The following TLK1 variants were observed in gnomAD, a reference collection of about 807,000 sequenced individuals.
TLK1 encodes the protein tousled like kinase 1, also known as serine/threonine-protein kinase tousled-like 1.
TLK1 carries 24 observed loss-of-function variants against 105.3 expected under a neutral mutation model. The ratio of observed to expected loss-of-function variants is 0.23; its 90% CI spans 0.17 to 0.32. The LOEUF (loss-of-function observed/expected upper bound fraction) is 0.32, where lower values mean the gene tolerates loss of function less well. Ranked by LOEUF, TLK1 falls within the 10% of genes least tolerant of loss-of-function variation. TLK1 has a pLI of 1.00. For synonymous variants in TLK1, 321 were observed against 310.4 expected (o/e 1.03, Z -0.36); for missense variants, 558 against 910.5 (o/e 0.61, Z 4.98).
upstream of TLK1, among the ~76,000 whole-genome samples, chr2:171,165,686 G>A (rs1461843202): frequency 6.6e-6 from 1 of 152,204 alleles, no homozygotes; most frequent in Non-Finnish European, 1.5e-5. Context: ...GCCGAGGCGG[G>A]TGGATCACAA....
At chr2:171,128,824 C>T (rs1690977169) in intron 1 of TLK1, among the ~76,000 whole-genome samples, 1 of 152,020 alleles carries the variant, frequency 6.6e-6, no homozygotes, top group African/African-American at 2.4e-5. Flanking sequence ...TACTAGACTG[C>T]ATTTCTGTAT....
Position 171,015,415 on chromosome 2 carries a change from A to AACACAC in TLK1, c.1237-473_1237-468dup, listed in dbSNP as rs56238853. ...TACGCCTTACAGCATTTGGAGTACA[A>AACACAC]ACACACACACACACACACACACACA... On this transcript the variant is annotated intron_variant, in intron 12 of 20. Transcript: ENST00000431350. Among the ~76,000 whole-genome samples the AACACAC allele has an allele frequency of 2.3e-3, 310 of 132,678 alleles. 3 individuals carry two copies. The highest frequency in any genetic ancestry group is 7.6e-3 in the African/African-American group (260 of 34,290). The allele number at this position is 132,678 out of a possible 152,430, so 87.0% of individuals were successfully genotyped here. A position where few individuals can be genotyped will look rare whatever the true frequency, so the allele number is the denominator to read the frequency against.
intron 1 of TLK1, among the ~76,000 whole-genome samples, chr2:171,178,219 G>T (rs1047667759): frequency 6.6e-6 from 1 of 152,006 alleles, no homozygotes; most frequent in Admixed American, 6.6e-5. Context: ...ATTTTTTTAA[G>T]CAGTAAAACT....
At chr2:171,060,921 T>G (rs555108340) in intron 4 of TLK1, among the ~76,000 whole-genome samples, 160 bp downstream of exon 4, 10 of 152,208 alleles carry the variant, frequency 6.6e-5, no homozygotes, top group African/African-American at 2.4e-4. Flanking sequence ...AAGGGCAACA[T>G]TGAAAAGCCT....
chr2:171,006,502 G>A lies in TLK1; in HGVS notation c.1740C>T (p.Pro580=), dbSNP rs755192109. Residue 580 remains proline (P), a synonymous_variant, in exon 17 of 21, where the codon CCC becomes CCT. Transcript: ENST00000431350. ...NALRYLNEIK[P]PIIHYDLKPG... Reference sequence around the variant, plus strand: ...GCTTAAGATCATAATGTATAATAGGGGGTTTGATCTCATTGAGATATCTTA... The same window carrying A: ...GCTTAAGATCATAATGTATAATAGGAGGTTTGATCTCATTGAGATATCTTA... 2.2e-5 allele frequency: 36 copies of A among 1,611,084 alleles called. No homozygotes were observed. The African/African-American group carries it at 4.3e-4, about 19-fold the overall frequency.
At chr2:171,043,055 T>G (rs1575544961) in intron 11 of TLK1, among the ~76,000 whole-genome samples, 1 of 149,136 alleles carries the variant, frequency 6.7e-6, no homozygotes, top group South Asian at 2.1e-4. Flanking sequence ...ACTAAGACAG[T>G]GACCGTGAAA....
intron 1 of TLK1, among the ~76,000 whole-genome samples, chr2:171,136,651 A>C (rs1265781400): frequency 6.6e-6 from 1 of 152,236 alleles, no homozygotes; most frequent in African/African-American, 2.4e-5. Flanking sequence ...TTTTGAAAAA[A>C]AATGGCTAAA....
intron 2 of TLK1, among the ~76,000 whole-genome samples, chr2:171,089,201 T>C (rs1410209650): frequency 6.6e-6 from 1 of 152,246 alleles, no homozygotes; most frequent in Non-Finnish European, 1.5e-5. Context: ...TTTTCCTTCT[T>C]GATTTGTAGG....
intron 1 of TLK1, among the ~76,000 whole-genome samples, chr2:171,144,067 T>C (rs1360998096): frequency 1.3e-5 from 2 of 152,112 alleles, no homozygotes. Flanking sequence ...TTTTAAAAAC[T>C]GGTGTTTTGA....
chr2:171,061,892 CTCTT>C (rs968268673), intron 3 of TLK1, among the ~76,000 whole-genome samples: 49 of 152,324 alleles, frequency 3.2e-4, no homozygotes, highest in Non-Finnish European at 6.5e-4. Flanking sequence ...CACAGCCACA[CTCTT>C]TCATTTAGGT....
At chr2:171,174,138 CTTG>C (rs1465045279) in intron 1 of TLK1, among the ~76,000 whole-genome samples, 1 of 152,148 alleles carries the variant, frequency 6.6e-6, no homozygotes, top group African/African-American at 2.4e-5. Flanking sequence ...TCTTTTTAAT[CTTG>C]TTGTCACCTG....
chr2:171,048,646 T>C (rs966707660), intron 10 of TLK1, among the ~76,000 whole-genome samples: 1 of 152,206 alleles, frequency 6.6e-6, no homozygotes, highest in African/African-American at 2.4e-5. Flanking sequence ...CTCTCTAATA[T>C]CACAAGGACA....
intron 12 of TLK1, among the ~76,000 whole-genome samples, chr2:171,026,298 A>G (rs1404625168): frequency 1.3e-5 from 2 of 152,134 alleles, no homozygotes; most frequent in African/African-American, 2.4e-5. Flanking sequence ...TAATATTTGG[A>G]CACTAAGTAT....
intron 2 of TLK1, among the ~76,000 whole-genome samples, chr2:171,085,707 G>A (rs572409485): frequency 1.3e-5 from 2 of 152,310 alleles, no homozygotes; most frequent in East Asian, 1.9e-4. Flanking sequence ...CTGCTCCCAT[G>A]AGCCCTTCCT....
rs111657391 is a variant in TLK1, at chr2:171,016,927, C to A, written c.1237-1979G>T. On this transcript the variant is annotated intron_variant, in intron 12 of 20. Coordinates refer to ENST00000431350, the MANE Select transcript of TLK1 (RefSeq NM_012290.5). ...AAAATAAATTCAAATGAAGATAAATCTTTCTACAAGTATTGGGAGATTTTC... is the reference window on the plus strand; with the variant it reads ...AAAATAAATTCAAATGAAGATAAATATTTCTACAAGTATTGGGAGATTTTC... Among the ~76,000 whole-genome samples, 550 of 152,134 alleles carry A rather than the reference C, an allele frequency of 3.6e-3. 6 individuals carry two copies. The highest frequency in any genetic ancestry group is 0.012 in the African/African-American group (507 of 41,534).
intron 3 of TLK1, among the ~76,000 whole-genome samples, chr2:171,074,217 ATAATAC>A (rs1361868310): frequency 6.6e-6 from 1 of 152,194 alleles, no homozygotes; most frequent in Non-Finnish European, 1.5e-5. Context: ...ATGTTACAAA[ATAATAC>A]TATTTTCCAT....
chr2:171,168,267 C>T (rs922213329), intron 1 of TLK1, among the ~76,000 whole-genome samples: 1 of 151,712 alleles, frequency 6.6e-6, no homozygotes, highest in African/African-American at 2.4e-5. Context: ...TTTCTTAATT[C>T]GATACATGGC....
intron 1 of TLK1, among the ~76,000 whole-genome samples, chr2:171,124,276 T>G (rs181469284): frequency 2.4e-4 from 37 of 152,362 alleles, no homozygotes; most frequent in African/African-American, 8.9e-4. Context: ...GAAATGACTT[T>G]ACCACATTCT....
chr2:171,022,855 T>C (rs927475690), intron 12 of TLK1: 3 of 255,706 alleles, frequency 1.2e-5, no homozygotes, highest in African/African-American at 6.8e-5. Flanking sequence ...TTCAAGAATA[T>C]TTGGGGGTCA....
Sources: allele counts gnomAD v4.1 joint callset (sites outside exome capture counted in the v4.1 genomes callset), GRCh38; gene constraint gnomAD v4.1.1; transcripts MANE v1.5; gene names NCBI Gene and HGNC (gene_info 2026-07-23, HGNC 2026-07-21).